PKP4: variants seen among roughly 807,000 people sequenced by gnomAD.
PKP4 encodes the protein plakophilin-4.
A neutral mutation model predicts 145.1 loss-of-function variants in PKP4; 90 were observed. The ratio of observed to expected loss-of-function variants is 0.62; its 90% CI spans 0.52 to 0.74. The LOEUF (loss-of-function observed/expected upper bound fraction) is 0.74. Ranked by LOEUF, PKP4 falls within the 30% of genes least tolerant of loss-of-function variation. The pLI is 0.00. For synonymous variants in PKP4, 563 were observed against 577.2 expected (o/e 0.98, Z 0.35); for missense variants, 1,340 against 1,482.7 (o/e 0.90, Z 1.58).
intron 7 of PKP4, among the ~76,000 whole-genome samples, chr2:158,630,795 T>A (rs1478937062): frequency 2.0e-5 from 3 of 152,240 alleles, no homozygotes; most frequent in Admixed American, 6.5e-5. Flanking sequence ...GATATAATAA[T>A]AAGTCATTCT....
intron 2 of PKP4, among the ~76,000 whole-genome samples, chr2:158,547,420 C>T (rs2045169960): frequency 1.3e-5 from 2 of 152,164 alleles, no homozygotes; most frequent in African/African-American, 4.8e-5. Context: ...AGAGTACGTA[C>T]TGATTTACTC....
rs528106530 is a variant in PKP4 at position 158,600,694 on chromosome 2, A to G, written c.246-2376A>G. On this transcript the variant is annotated intron_variant, in intron 3 of 21. Transcript: ENST00000389759. ...AAAAGAAAATAGGCTGTTATGAATA[A>G]CATGTAATGACCAGTTATTTCTCAG... Among the ~76,000 whole-genome samples the G allele has an allele frequency of 1.5e-3, 233 of 152,336 alleles. 1 individual carries two copies. The highest frequency in any genetic ancestry group is 5.4e-3 in the African/African-American group (226 of 41,576).
At chr2:158,602,392 A>G (rs1427369758) in intron 3 of PKP4, among the ~76,000 whole-genome samples, 1 of 152,208 alleles carries the variant, frequency 6.6e-6, no homozygotes, top group African/African-American at 2.4e-5. Context: ...ATAAATGCTT[A>G]ATAATCCATT....
intron 1 of PKP4, among the ~76,000 whole-genome samples, chr2:158,463,732 A>G (rs1237861890): frequency 2.0e-5 from 3 of 152,218 alleles, no homozygotes; most frequent in Admixed American, 6.5e-5. Flanking sequence ...TTCCTCAGCA[A>G]GAATATGCTG....
At chr2:158,546,688 G>A (rs1202103932) in intron 2 of PKP4, among the ~76,000 whole-genome samples, 3 of 152,058 alleles carry the variant, frequency 2.0e-5, no homozygotes, top group Admixed American at 2.0e-4. Flanking sequence ...AAACAGCATG[G>A]GATCTTTGAG....
chr2:158,648,699 G>A (rs2055055356), intron 11 of PKP4, among the ~76,000 whole-genome samples: 1 of 152,080 alleles, frequency 6.6e-6, no homozygotes, highest in Admixed American at 6.6e-5. Context: ...ATGTCACTTG[G>A]TCCACTTTAT....
intron 2 of PKP4, among the ~76,000 whole-genome samples, chr2:158,553,738 T>C (rs1210199049): frequency 6.6e-6 from 1 of 152,212 alleles, no homozygotes; most frequent in South Asian, 2.1e-4. Context: ...GTGTCATAAC[T>C]ATTATCCTAT....
intron 3 of PKP4, among the ~76,000 whole-genome samples, chr2:158,597,473 A>G (rs762649335): frequency 6.6e-5 from 10 of 152,178 alleles, no homozygotes; most frequent in Non-Finnish European, 1.2e-4. Context: ...AACAAATACT[A>G]TGGTTACAAT....
At chr2:158,573,308 ATCTGTTGCCATTTATGGC>A (rs1460521052) in intron 2 of PKP4, among the ~76,000 whole-genome samples, 1 of 152,216 alleles carries the variant, frequency 6.6e-6, no homozygotes, top group African/African-American at 2.4e-5. Flanking sequence ...ACAATGCTGT[ATCTGTTGCCATTTATGGC>A]TCTCTAAATA....
intron 1 of PKP4, among the ~76,000 whole-genome samples, chr2:158,494,241 G>A (rs1290980701): frequency 6.6e-6 from 1 of 151,206 alleles, no homozygotes; most frequent in Non-Finnish European, 1.5e-5. Context: ...TTTATATTAT[G>A]TACTTTTTTT....
intron 1 of PKP4, among the ~76,000 whole-genome samples, chr2:158,516,152 A>G (rs1377191757): frequency 6.7e-6 from 1 of 150,286 alleles, no homozygotes; most frequent in Non-Finnish European, 1.5e-5. Context: ...CGGAGTCTTT[A>G]TGATGCTCCA....
At chr2:158,601,090 A>G (rs1385811811) in intron 3 of PKP4, among the ~76,000 whole-genome samples, 1 of 152,168 alleles carries the variant, frequency 6.6e-6, no homozygotes, top group Non-Finnish European at 1.5e-5. Flanking sequence ...TTTTTTCACA[A>G]TTTAATTAAG....
intron 3 of PKP4, among the ~76,000 whole-genome samples, chr2:158,589,372 G>A (rs150649252): frequency 1.3e-5 from 2 of 152,132 alleles, no homozygotes; most frequent in Non-Finnish European, 2.9e-5. Context: ...GTGTCAAGGG[G>A]GTGGGAAGAC....
At chr2:158,585,157 G>C (rs1253335443) in intron 3 of PKP4, among the ~76,000 whole-genome samples, 2 of 152,086 alleles carry the variant, frequency 1.3e-5, no homozygotes, top group African/African-American at 2.4e-5. Context: ...AGAAGCATTT[G>C]GTCCCTTCAC....
At chr2:158,622,939 C>T (rs1313559199) in intron 6 of PKP4, among the ~76,000 whole-genome samples, 1 of 152,092 alleles carries the variant, frequency 6.6e-6, no homozygotes, top group Non-Finnish European at 1.5e-5. Context: ...AATTTTATTG[C>T]CCTTAGTAAT....
Position 158,618,358 on chromosome 2 carries a change from A to G in PKP4, c.281-2632A>G, listed in dbSNP as rs528821616. Among the ~76,000 whole-genome samples the G allele has an allele frequency of 2.6e-3, 400 of 152,328 alleles. 1 individual carries two copies. The highest frequency in any genetic ancestry group is 3.6e-3 in the Non-Finnish European group (244 of 68,026). ...TAGATTTTCAAATTAGATCCTGGGT[A>G]CCTGAGAATTTTGTATTTTAGTGTT... On this transcript the variant is annotated intron_variant, in intron 4 of 21. Coordinates refer to ENST00000389759, the MANE Select transcript of PKP4 (RefSeq NM_003628.6).
In PKP4 at chr2:158,625,218, C is replaced by T; in HGVS notation, c.944C>T (p.Pro315Leu). Residue 315 changes from proline to leucine, a missense_variant, in exon 7 of 22, where the codon CCA becomes CTA. Physicochemically the swap from Pro to Leu is moderately conservative, Grantham distance 98. Transcript: ENST00000389759. ...QYQTTARVGS[P>L]LTLTDAQTRV... ...CAAACCACCGCCAGAGTGGGGTCCCCACTGACCCTGACGGATGCACAGACT... is the reference window on the plus strand; with the variant it reads ...CAAACCACCGCCAGAGTGGGGTCCCTACTGACCCTGACGGATGCACAGACT... 1.9e-6 allele frequency: 3 copies of T among 1,614,200 alleles called. No individual in the cohort carries two copies. Among genetic ancestry groups the T allele is most frequent in the Non-Finnish European group, 2.5e-6 (3 of 1,180,030 alleles).
Position 158,680,674 on chromosome 2 carries a change from G to T in PKP4, c.3576G>T (p.Val1192=). ...EQYPGSPDSW[V] is the part of the protein sequence containing the mutation. ...ACCCAGGGTCCCCAGACTCATGGGT[G>T]TAGCATCAAGATGCCCAACAGAGGA... The change falls in exon 22 of 22, where the codon GTG becomes GTT. Residue 1192 remains valine, a synonymous_variant. Transcript: ENST00000389759. 6.2e-7 allele frequency: 1 copy of T among 1,605,376 alleles called. No homozygotes were observed. Among genetic ancestry groups the T allele is most frequent in the Non-Finnish European group, 8.5e-7 (1 of 1,176,668 alleles).
chr2:158,513,569 C>T (rs1239984337), intron 1 of PKP4, among the ~76,000 whole-genome samples: 1 of 152,146 alleles, frequency 6.6e-6, no homozygotes, highest in Non-Finnish European at 1.5e-5. Flanking sequence ...TTCTTTTCCT[C>T]ACGGTTGCTT....
Sources: allele counts gnomAD v4.1 joint callset (sites outside exome capture counted in the v4.1 genomes callset), GRCh38; gene constraint gnomAD v4.1.1; transcripts MANE v1.5; gene names NCBI Gene and HGNC (gene_info 2026-07-23, HGNC 2026-07-21).